The following ROBO1 variants were observed in gnomAD, a reference collection of about 807,000 sequenced individuals.
The protein encoded by ROBO1 is roundabout guidance receptor 1, also known as roundabout homolog 1.
A neutral mutation model predicts 195.9 loss-of-function variants in ROBO1; 149 were observed. That is an observed-to-expected ratio of 0.76 (90% CI 0.67 to 0.87). ROBO1 has a LOEUF of 0.87. Ranked by LOEUF, ROBO1 falls within the 40% of genes least tolerant of loss-of-function variation. The probability of loss-of-function intolerance (pLI) is 0.00; values close to 1 mark genes in which losing one functional copy is unlikely to be tolerated. For synonymous variants in ROBO1, 816 were observed against 733.2 expected, an observed-to-expected ratio of 1.11 and a Z score of -1.82; for missense variants, 1,933 against 2,068.3, an observed-to-expected ratio of 0.93 and a Z score of 1.27.
At chr3:79,582,497 G>C (rs1455404141) in intron 2 of ROBO1, among the ~76,000 whole-genome samples, 1 of 151,896 alleles carries the variant, frequency 6.6e-6, no homozygotes, top group Non-Finnish European at 1.5e-5. Context: ...CACCAAGATT[G>C]ACTATCTCAT....
intron 2 of ROBO1, among the ~76,000 whole-genome samples, chr3:79,252,861 A>T (rs1276458134): frequency 1.3e-5 from 2 of 152,092 alleles, no homozygotes; most frequent in African/African-American, 4.8e-5. Flanking sequence ...CATATCATTA[A>T]TCCACATTTT....
At chr3:78,652,052 A>C in intron 18 of ROBO1, 123 bp from the exon 19 acceptor site, 1 of 739,642 alleles carries the variant, frequency 1.4e-6, no homozygotes, top group East Asian at 2.6e-5. Context: ...CTCTCACACC[A>C]CTCACCATCA....
intron 2 of ROBO1, among the ~76,000 whole-genome samples, chr3:79,521,030 T>C (rs888989486): frequency 3.9e-5 from 6 of 152,130 alleles, no homozygotes; most frequent in African/African-American, 1.4e-4. Context: ...CTGTAGACAT[T>C]AGCTACTTTC....
intron 2 of ROBO1, among the ~76,000 whole-genome samples, chr3:79,515,722 C>T (rs1004911337): frequency 2.0e-5 from 3 of 152,076 alleles, no homozygotes; most frequent in Admixed American, 1.3e-4. Context: ...AACCTAGGTT[C>T]GTGAACGTGA....
At chr3:79,573,471 G>C (rs1439147251) in intron 2 of ROBO1, among the ~76,000 whole-genome samples, 1 of 152,082 alleles carries the variant, frequency 6.6e-6, no homozygotes, top group Admixed American at 6.6e-5. Context: ...ATATATGACA[G>C]TCTTCAATTA....
At chr3:78,714,237 C>T (rs936624287) in intron 8 of ROBO1, among the ~76,000 whole-genome samples, 160 bp downstream of exon 8, 3 of 152,134 alleles carry the variant, frequency 2.0e-5, no homozygotes, top group Non-Finnish European at 4.4e-5. Context: ...CTCCCATAGG[C>T]AAAACAATAT....
chr3:79,495,400 A>T (rs2107470858), intron 2 of ROBO1, among the ~76,000 whole-genome samples: 1 of 152,290 alleles, frequency 6.6e-6, no homozygotes, highest in South Asian at 2.1e-4. Flanking sequence ...TCTTGAAAAG[A>T]ACATTTTTGA....
chr3:79,230,867 C>A (rs1303262151), intron 2 of ROBO1, among the ~76,000 whole-genome samples: 1 of 152,088 alleles, frequency 6.6e-6, no homozygotes, highest in Admixed American at 6.6e-5. Context: ...GATGCAAAAA[C>A]AGACACATAA....
chr3:79,592,049 A>G (rs1944014204), intron 1 of ROBO1, among the ~76,000 whole-genome samples: 1 of 151,982 alleles, frequency 6.6e-6, no homozygotes, highest in South Asian at 2.1e-4. Flanking sequence ...AAAATTTAGA[A>G]GGATTATATT....
intron 2 of ROBO1, among the ~76,000 whole-genome samples, chr3:79,554,242 T>C (rs1022825527): frequency 6.6e-6 from 1 of 152,022 alleles, no homozygotes; most frequent in African/African-American, 2.4e-5. Context: ...TTAGAGACCA[T>C]GGGACCCAGA....
At chr3:79,497,254 G>A (rs956329763) in intron 2 of ROBO1, among the ~76,000 whole-genome samples, 7 of 152,158 alleles carry the variant, frequency 4.6e-5, no homozygotes, top group Admixed American at 1.3e-4. Context: ...CTGAGAATGT[G>A]TAATGAACAA....
At chr3:78,846,299 G>A (rs1336035100) in intron 4 of ROBO1, among the ~76,000 whole-genome samples, 1 of 152,032 alleles carries the variant, frequency 6.6e-6, no homozygotes, top group Non-Finnish European at 1.5e-5. Context: ...ATTCTTGGAG[G>A]TAAATGTCAA....
intron 2 of ROBO1, among the ~76,000 whole-genome samples, chr3:79,340,956 G>A (rs991072089): frequency 7.2e-5 from 11 of 152,156 alleles, no homozygotes; most frequent in Admixed American, 6.5e-4. Flanking sequence ...CTCATACATA[G>A]GGTAGCCAAA....
At chr3:79,262,868 T>G (rs914988093) in intron 2 of ROBO1, among the ~76,000 whole-genome samples, 12 of 151,706 alleles carry the variant, frequency 7.9e-5, no homozygotes, top group African/African-American at 2.9e-4. Flanking sequence ...AAAGTCCTGA[T>G]AGCTCTTGAG....
intron 2 of ROBO1, among the ~76,000 whole-genome samples, chr3:79,344,540 A>G (rs958218070): frequency 1.3e-5 from 2 of 152,182 alleles, no homozygotes; most frequent in African/African-American, 4.8e-5. Context: ...CAGCGGCTAT[A>G]AAGTATATTC....
chr3:78,724,373 A>G (rs774211489), intron 5 of ROBO1, among the ~76,000 whole-genome samples: 17 of 151,924 alleles, frequency 1.1e-4, no homozygotes, highest in Non-Finnish European at 1.2e-4. Flanking sequence ...AGCAGTGCCT[A>G]CTAGTAACAA....
chr3:79,623,370 C>A (rs1241164739), intron 1 of ROBO1, among the ~76,000 whole-genome samples: 1 of 152,188 alleles, frequency 6.6e-6, no homozygotes, highest in Non-Finnish European at 1.5e-5. Flanking sequence ...CAGAAGTAGG[C>A]TTCAGAAGAT....
chr3:78,729,811 T>C (rs894597712), intron 5 of ROBO1, among the ~76,000 whole-genome samples: 1 of 152,228 alleles, frequency 6.6e-6, no homozygotes, highest in Non-Finnish European at 1.5e-5. Flanking sequence ...TCTAGGTAGA[T>C]TACATGGTAG....
At chr3:78,943,952 A>G (rs1396121719) in intron 3 of ROBO1, among the ~76,000 whole-genome samples, 2 of 152,246 alleles carry the variant, frequency 1.3e-5, no homozygotes, top group Non-Finnish European at 2.9e-5. Flanking sequence ...AATAAAAACC[A>G]TAAATGGTAA....
Sources: allele counts gnomAD v4.1 joint callset (sites outside exome capture counted in the v4.1 genomes callset), GRCh38; gene constraint gnomAD v4.1.1; transcripts MANE v1.5; gene names NCBI Gene and HGNC (gene_info 2026-07-23, HGNC 2026-07-21).